The following ETNK1 variants were observed in gnomAD, a reference collection of about 807,000 sequenced individuals.
ETNK1 encodes ethanolamine kinase 1.
A neutral mutation model predicts 45.1 loss-of-function variants in ETNK1; 8 were observed. That is an observed-to-expected ratio of 0.18 (90% confidence interval 0.10 to 0.32). The LOEUF (loss-of-function observed/expected upper bound fraction) is 0.32, where lower values mean the gene tolerates loss of function less well. Ranked by LOEUF, ETNK1 falls within the 10% of genes least tolerant of loss-of-function variation. ETNK1 has a pLI of 1.00. For missense variants in ETNK1, 302 were observed against 430.6 expected (o/e 0.70, Z 2.64); for synonymous variants, 152 against 151.9 (o/e 1.00, Z -0.01).
At position 22,679,709 on chromosome 12, in the gene ETNK1, T is replaced by G. The variant is rs528705791; in HGVS notation, c.946-4774T>G. Among the ~76,000 whole-genome samples, 23 of 151,214 alleles carry G rather than the reference T, an allele frequency of 1.5e-4. No individual in the cohort carries two copies. In the East Asian group the frequency reaches 1.7e-3, roughly 11 times the overall value. On this transcript the variant is annotated intron_variant, in intron 6 of 7. Transcript: ENST00000266517. ...TTTTGTTCTTGGTTTTTTGTTTTTT[T>G]TTTTTTTTTGATATGGAGTCTCACT... is the stretch of plus-strand genomic sequence containing the variant.
intron 1 of ETNK1, among the ~76,000 whole-genome samples, chr12:22,642,474 C>T (rs1265009244): frequency 6.6e-6 from 1 of 151,574 alleles, no homozygotes; most frequent in African/African-American, 2.4e-5. Flanking sequence ...AAAATAAGTC[C>T]CTTTATACTA....
At chr12:22,627,996 C>T (rs1953527674) in intron 1 of ETNK1, among the ~76,000 whole-genome samples, 1 of 152,010 alleles carries the variant, frequency 6.6e-6, no homozygotes, top group South Asian at 2.1e-4. Context: ...TCATTTTAGA[C>T]AGAATTCCTG....
In ETNK1 at chr12:22,690,529, T is replaced by C. The variant is rs1954295026; in HGVS notation, c.*5575T>C. On this transcript the variant is annotated 3_prime_UTR_variant, in exon 8 of 8. Coordinates refer to ENST00000266517, the MANE Select transcript of ETNK1 (RefSeq NM_018638.5). ...GAAGCTGTTTGTCTTTCAGTTCAAA[T>C]ATAAGTGATGTTTAGGCTTTATTTC... 1 of 152,578 alleles carries C rather than the reference T, an allele frequency of 6.6e-6. No homozygotes were observed. The highest frequency in any genetic ancestry group is 6.5e-5 in the Admixed American group (1 of 15,280). The allele number at this position is 152,578 out of a possible 1,614,324, so 9.5% of individuals were successfully genotyped here.
chr12:22,689,175 A>T lies in ETNK1; in HGVS notation c.*4221A>T, dbSNP rs1425144655. The T allele has an allele frequency of 6.6e-6, 1 of 151,952 alleles. No individual in the cohort carries two copies. The highest frequency in any genetic ancestry group is 6.6e-5 in the Admixed American group (1 of 15,254). The allele number at this position is 151,952 out of a possible 1,614,324, so 9.4% of individuals were successfully genotyped here. ...TTACACTGAAAATCTTCATTTCTGGATTGCAGTTTGAAATGGAATGAAGAC... is the reference window on the plus strand; with the variant it reads ...TTACACTGAAAATCTTCATTTCTGGTTTGCAGTTTGAAATGGAATGAAGAC... On this transcript the variant is annotated 3_prime_UTR_variant, in exon 8 of 8. Transcript: ENST00000266517.
At chr12:22,665,823 G>A (rs1324447396) in intron 4 of ETNK1, among the ~76,000 whole-genome samples, 1 of 152,024 alleles carries the variant, frequency 6.6e-6, no homozygotes. Flanking sequence ...AGGTAGTTAA[G>A]TCCTATAACT....
chr12:22,686,851 A>ATTTTTTTTTTTTTTTTT lies in ETNK1; in HGVS notation c.*1909_*1925dup, dbSNP rs3983448. 2 of 69,268 alleles carry ATTTTTTTTTTTTTTTTT rather than the reference A, an allele frequency of 2.9e-5. No individual in the cohort carries two copies. Among genetic ancestry groups the ATTTTTTTTTTTTTTTTT allele is most frequent in the Admixed American group, 1.8e-4 (1 of 5,510 alleles). The allele number at this position is 69,268 out of a possible 1,614,324, so 4.3% of individuals were successfully genotyped here. A position where few individuals can be genotyped will look rare whatever the true frequency, so the allele number is the denominator to read the frequency against. On this transcript the variant is annotated 3_prime_UTR_variant, in exon 8 of 8. Coordinates refer to ENST00000266517, the MANE Select transcript of ETNK1 (RefSeq NM_018638.5). ...AGATAAAGAATGTGTAATACTCTTAATTTTTTTTTTTTTTTTTTTTTTTTT... is the reference window on the plus strand; with the variant it reads ...AGATAAAGAATGTGTAATACTCTTAATTTTTTTTTTTTTTTTTTTTTTTTTTTTTTTTTTTTTTTTTT...
chr12:22,644,475 T>G (rs1953781381), intron 2 of ETNK1: 1 of 759,768 alleles, frequency 1.3e-6, no homozygotes, highest in Non-Finnish European at 1.8e-6. Flanking sequence ...CTATAAAGAA[T>G]AATGTCATAT....
chr12:22,644,516 T>A (rs1953781877), intron 2 of ETNK1: 1 of 472,344 alleles, frequency 2.1e-6, no homozygotes, highest in African/African-American at 2.0e-5. Context: ...AATTGCCAGC[T>A]TTAAAAATTC....
intron 4 of ETNK1, among the ~76,000 whole-genome samples, chr12:22,668,797 TTTAA>T (rs535076452): frequency 3.3e-5 from 5 of 152,218 alleles, no homozygotes; most frequent in Non-Finnish European, 5.9e-5. Flanking sequence ...AAAGGCTAGT[TTTAA>T]TTAATTAATG....
At chr12:22,635,645 C>A (rs1953646490) in intron 1 of ETNK1, among the ~76,000 whole-genome samples, 1 of 152,062 alleles carries the variant, frequency 6.6e-6, no homozygotes, top group Admixed American at 6.5e-5. Flanking sequence ...TTATCTCACT[C>A]ATTTTACATA....
At chr12:22,658,974 T>C (rs753303681) in intron 2 of ETNK1, 40 bp from the exon 3 acceptor site, 2 of 1,592,088 alleles carry the variant, frequency 1.3e-6, no homozygotes, top group Non-Finnish European at 1.7e-6. Flanking sequence ...ACCTTTATGA[T>C]ACTTAAGTTT....
intron 2 of ETNK1, chr12:22,656,793 A>G: frequency 1.0e-6 from 1 of 982,860 alleles, no homozygotes; most frequent in Non-Finnish European, 1.2e-6. Context: ...TAAAAAAACC[A>G]CAGCAAATAA....
At chr12:22,675,180 C>A (rs1460426119) in intron 6 of ETNK1, among the ~76,000 whole-genome samples, 1 of 152,126 alleles carries the variant, frequency 6.6e-6, no homozygotes, top group East Asian at 1.9e-4. Flanking sequence ...GCAGTCCTCC[C>A]ACTTGAGCCT....
At chr12:22,659,895 A>G (rs190443264) in intron 3 of ETNK1, among the ~76,000 whole-genome samples, 22 of 152,226 alleles carry the variant, frequency 1.4e-4, no homozygotes, top group East Asian at 7.7e-4. Context: ...CCTTGCCCCA[A>G]TAGAAAATAA....
rs528695758 is a variant in ETNK1 at position 22,661,331 on chromosome 12, A to T, written c.700+126A>T. On this transcript the variant is annotated intron_variant, in intron 4 of 7. Transcript: ENST00000266517. ...AAGAGCGTGCATGAAACCTTTAAAG[A>T]TTTTCTTTTAGTTTATCAAGTTATG... is the stretch of plus-strand genomic sequence containing the variant. The T allele has an allele frequency of 3.1e-4, 188 of 603,788 alleles. 1 individual carries two copies. Among genetic ancestry groups the T allele is most frequent in the Middle Eastern group, 2.3e-3 (6 of 2,654 alleles). The allele number at this position is 603,788 out of a possible 1,614,324, so 37.4% of individuals were successfully genotyped here. A position where few individuals can be genotyped will look rare whatever the true frequency, so the allele number is the denominator to read the frequency against.
intron 4 of ETNK1, among the ~76,000 whole-genome samples, chr12:22,668,411 A>G (rs1292041444): frequency 2.0e-5 from 3 of 152,240 alleles, no homozygotes; most frequent in Admixed American, 6.5e-5. Flanking sequence ...CTGGCACCCT[A>G]ACTAAGGGAA....
intron 4 of ETNK1, among the ~76,000 whole-genome samples, chr12:22,662,214 C>T (rs1954008701): frequency 6.7e-6 from 1 of 149,348 alleles, no homozygotes; most frequent in Non-Finnish European, 1.5e-5. Flanking sequence ...ATTACAGGTG[C>T]ACATCACCAT....
intron 2 of ETNK1, 64 bp downstream of exon 2, chr12:22,644,086 A>AT (rs1953774939): frequency 1.3e-6 from 2 of 1,502,470 alleles, no homozygotes; most frequent in Non-Finnish European, 1.8e-6. Flanking sequence ...TTAAGGAAAT[A>AT]TTTTTTAAAA....
intron 6 of ETNK1, among the ~76,000 whole-genome samples, chr12:22,681,749 A>G (rs1341417465): frequency 6.6e-6 from 1 of 152,080 alleles, no homozygotes; most frequent in Non-Finnish European, 1.5e-5. Context: ...CACTTCTGCA[A>G]ATTTCTTTAA....
Sources: allele counts gnomAD v4.1 joint callset (sites outside exome capture counted in the v4.1 genomes callset), GRCh38; gene constraint gnomAD v4.1.1; transcripts MANE v1.5; gene names NCBI Gene and HGNC (gene_info 2026-07-23, HGNC 2026-07-21).